ADGRL2: variants seen among roughly 807,000 people sequenced by gnomAD.
ADGRL2 encodes the protein calcium-independent alpha-latrotoxin receptor 2.
In ADGRL2, 44 loss-of-function variants were observed where a neutral mutation model predicts 157.4. That is an observed-to-expected ratio of 0.28 (90% CI 0.22 to 0.36). The LOEUF (loss-of-function observed/expected upper bound fraction) is 0.36, where lower values mean the gene tolerates loss of function less well. Ranked by LOEUF, ADGRL2 falls within the 10% of genes least tolerant of loss-of-function variation. The probability of loss-of-function intolerance (pLI) is 1.00; values close to 1 mark genes in which losing one functional copy is unlikely to be tolerated. For missense variants in ADGRL2, 1,510 were observed against 1,768.9 expected, an observed-to-expected ratio of 0.85 and a Z score of 2.63; for synonymous variants, 585 against 624.7, an observed-to-expected ratio of 0.94 and a Z score of 0.95.
intron 1 of ADGRL2, among the ~76,000 whole-genome samples, chr1:81,390,014 G>A (rs1315105549): frequency 2.6e-5 from 4 of 151,944 alleles, no homozygotes. Flanking sequence ...TTGAGGTAAT[G>A]GTCTTAAATG....
At chr1:81,579,001 C>T (rs1201302888) in intron 2 of ADGRL2, among the ~76,000 whole-genome samples, 2 of 152,178 alleles carry the variant, frequency 1.3e-5, no homozygotes, top group South Asian at 4.1e-4. Context: ...AACACTCATT[C>T]CCTGCTCAGA....
At chr1:81,961,594 A>G (rs1477280833) in intron 11 of ADGRL2, among the ~76,000 whole-genome samples, 2 of 142,400 alleles carry the variant, frequency 1.4e-5, no homozygotes, top group African/African-American at 5.3e-5. Flanking sequence ...TGCAACCTTC[A>G]CCTCCTGGGT....
intron 3 of ADGRL2, among the ~76,000 whole-genome samples, chr1:81,631,487 A>G (rs1345700110): frequency 6.6e-6 from 1 of 152,158 alleles, no homozygotes; most frequent in Non-Finnish European, 1.5e-5. Context: ...GATTACAGGC[A>G]TGAACCACTA....
At chr1:81,856,040 A>T (rs2150634324) in intron 2 of ADGRL2, among the ~76,000 whole-genome samples, 1 of 152,220 alleles carries the variant, frequency 6.6e-6, no homozygotes, top group Admixed American at 6.5e-5. Flanking sequence ...CATCCAGGGG[A>T]GGTCATATTG....
chr1:81,308,033 T>G (rs1044218641), intron 1 of ADGRL2, among the ~76,000 whole-genome samples: 1 of 151,774 alleles, frequency 6.6e-6, no homozygotes, highest in Non-Finnish European at 1.5e-5. Context: ...ATTTTAGTGA[T>G]CCTACTGGTA....
At chr1:81,971,735 T>C in intron 16 of ADGRL2, 117 bp from the exon 17 acceptor site, 2 of 573,870 alleles carry the variant, frequency 3.5e-6, no homozygotes, top group Non-Finnish European at 3.1e-6. Flanking sequence ...GATAAATGAA[T>C]CTTCAAAGGC....
At chr1:81,713,331 C>A (rs1380864073) in intron 1 of ADGRL2, among the ~76,000 whole-genome samples, 5 of 152,108 alleles carry the variant, frequency 3.3e-5, no homozygotes, top group Non-Finnish European at 7.4e-5. Flanking sequence ...GTATGCCAAG[C>A]AGTCTAAAAT....
chr1:81,976,385 T>C (rs1660193434), intron 17 of ADGRL2, among the ~76,000 whole-genome samples: 1 of 151,974 alleles, frequency 6.6e-6, no homozygotes, highest in Non-Finnish European at 1.5e-5. Flanking sequence ...GCTAAGTTAG[T>C]GTTGGGTTTA....
intron 3 of ADGRL2, among the ~76,000 whole-genome samples, chr1:81,909,726 T>G (rs368886190): frequency 2.6e-5 from 4 of 152,110 alleles, no homozygotes; most frequent in East Asian, 3.9e-4. Context: ...TTGCTTGTTT[T>G]TTTTTTTACC....
upstream of ADGRL2, among the ~76,000 whole-genome samples, chr1:81,695,943 T>C (rs1189209192): frequency 6.6e-6 from 1 of 152,190 alleles, no homozygotes; most frequent in Non-Finnish European, 1.5e-5. Flanking sequence ...ATTCTTCCCA[T>C]TTCCAAGTCT....
At chr1:81,930,262 CTA>C (rs1491563626) in intron 3 of ADGRL2, among the ~76,000 whole-genome samples, 2 of 152,088 alleles carry the variant, frequency 1.3e-5, no homozygotes, top group Non-Finnish European at 2.9e-5. Flanking sequence ...TAATGAGGCA[CTA>C]TGTCTCAAAA....
chr1:81,575,096 G>C (rs142089386), intron 2 of ADGRL2, among the ~76,000 whole-genome samples: 36 of 152,252 alleles, frequency 2.4e-4, no homozygotes, highest in African/African-American at 8.4e-4. Context: ...GTTTTATATG[G>C]ACTAATTTCA....
upstream of ADGRL2, among the ~76,000 whole-genome samples, chr1:81,696,631 A>C (rs547312139): frequency 1.2e-3 from 187 of 152,302 alleles, 1 homozygote; most frequent in Middle Eastern, 6.8e-3. Context: ...GGGCGCCTGT[A>C]GTCCCAGCTA....
chr1:81,617,317 C>A (rs559554177), intron 3 of ADGRL2, among the ~76,000 whole-genome samples: 1 of 152,168 alleles, frequency 6.6e-6, no homozygotes. Context: ...ACAATTTCAT[C>A]GCAAAACTAT....
intron 1 of ADGRL2, among the ~76,000 whole-genome samples, chr1:81,335,846 A>C (rs1661603114): frequency 1.3e-5 from 2 of 151,844 alleles, no homozygotes; most frequent in Admixed American, 6.6e-5. Context: ...AAAAAAAAAA[A>C]AACAAAAAAC....
chr1:81,391,021 G>A (rs1271714487), intron 1 of ADGRL2, among the ~76,000 whole-genome samples: 1 of 152,304 alleles, frequency 6.6e-6, no homozygotes, highest in African/African-American at 2.4e-5. Flanking sequence ...ACTTAAAGAA[G>A]ATCCTCACAC....
intron 18 of ADGRL2, chr1:81,980,687 T>C (rs537542255): frequency 4.0e-6 from 2 of 494,802 alleles, no homozygotes; most frequent in Non-Finnish European, 7.5e-6. Context: ...ATGTTTTAGA[T>C]AGGTTAGTGC....
intron 2 of ADGRL2, among the ~76,000 whole-genome samples, chr1:81,852,608 T>C (rs941189338): frequency 6.6e-6 from 1 of 152,120 alleles, no homozygotes; most frequent in African/African-American, 2.4e-5. Context: ...TTGGAGGAAA[T>C]GAACCTCCAT....
At position 81,993,074 on chromosome 1, in the gene ADGRL2, T is replaced by C. The variant is rs1572563686; in HGVS notation, c.*1929T>C. Among the ~76,000 whole-genome samples the C allele has an allele frequency of 6.1e-5, 2 of 32,714 alleles. No individual in the cohort carries two copies. Among genetic ancestry groups the C allele is most frequent in the Non-Finnish European group, 1.0e-4 (2 of 19,782 alleles). 21.5% of individuals were successfully genotyped at this position (32,714 alleles called of 152,430 possible). On this transcript the variant is annotated 3_prime_UTR_variant, in exon 24 of 24. Transcript: ENST00000686636. ...TATAATATACATATATATATATATA[T>C]ATATATATATATATTTTTTTTTTTT... is the stretch of plus-strand genomic sequence containing the variant.
Sources: gnomAD v4.1 joint callset for allele counts (sites outside exome capture counted in the v4.1 genomes callset) on GRCh38, gnomAD v4.1.1 for gene constraint, MANE v1.5 for transcripts, NCBI Gene and HGNC (gene_info 2026-07-23, HGNC 2026-07-21) for gene names.